DLL3: variants seen among roughly 807,000 people sequenced by gnomAD.
DLL3 encodes delta-like protein 3.
DLL3 carries 49 observed loss-of-function variants against 55.0 expected under a neutral mutation model. The ratio of observed to expected loss-of-function variants is 0.89; its 90% confidence interval spans 0.71 to 1.13. The LOEUF is 1.13. DLL3 is among the 50% of genes most tolerant of loss of function. The probability of loss-of-function intolerance (pLI) is 0.00; values close to 1 mark genes in which losing one functional copy is unlikely to be tolerated. For synonymous variants in DLL3, 421 were observed against 385.2 expected, an observed-to-expected ratio of 1.09 and a Z score of -1.09; for missense variants, 962 against 875.5, an observed-to-expected ratio of 1.10 and a Z score of -1.25.
Position 39,504,165 on chromosome 19 carries a change from G to T in DLL3, c.747G>T (p.Thr249=). The T allele has an allele frequency of 6.2e-7, 1 of 1,612,452 alleles. No homozygotes were observed. Residue 249 remains threonine, a synonymous_variant, in exon 5 of 9, where the codon ACG becomes ACT. Coordinates refer to ENST00000356433, the MANE Select transcript of DLL3 (RefSeq NM_203486.3). ...CLEGWTGPLC[T]VPVSTSSCLS... Reference sequence around the variant, plus strand: ...AGGGCTGGACTGGACCCCTCTGCACGGTCCCTGTCTCCACCAGCAGCTGCC... The same window carrying T: ...AGGGCTGGACTGGACCCCTCTGCACTGTCCCTGTCTCCACCAGCAGCTGCC...
rs758663865 is a variant in DLL3 at position 39,500,615 on chromosome 19, G to A, written c.352G>A (p.Gly118Ser). 3 of 1,613,276 alleles carry A rather than the reference G, an allele frequency of 1.9e-6. No individual in the cohort carries two copies. The highest frequency in any genetic ancestry group is 4.5e-5 in the East Asian group (2 of 44,852). Residue 118 changes from glycine to serine, a missense_variant and splice_region_variant, in exon 3 of 9, where the codon GGC (glycine) becomes AGC (serine). Physicochemically the swap from Gly to Ser is moderately conservative, Grantham distance 56. Coordinates refer to ENST00000356433, the MANE Select transcript of DLL3 (RefSeq NM_203486.3). ...TCTCCCCCTTCCTTCACCCAACCAG[G>A]GCACCTTCTCTTTCATCATCGAAAC... ...LQVPFRDAWP[G>S]TFSFIIETWR...
Position 39,507,573 on chromosome 19 carries a change from C to T in DLL3, c.1628C>T (p.Ala543Val). 6.2e-7 allele frequency: 1 copy of T among 1,609,180 alleles called. No individual in the cohort carries two copies. Among genetic ancestry groups the T allele is most frequent in the Non-Finnish European group, 8.5e-7 (1 of 1,178,372 alleles). ...PEPSVHALPD[A>V]LNNLRTQEGS... ...CCGTCAGTCCACGCACTCCCGGATG[C>T]ACTCAACAACCTAAGGACGCAGGAG... The change falls in exon 7 of 9, where the codon GCA (alanine) becomes GTA (valine). Residue 543 changes from alanine (A) to valine (V), a missense_variant. By Grantham distance (64) the Ala-to-Val change is moderately conservative (BLOSUM62 0). Coordinates refer to ENST00000356433, the MANE Select transcript of DLL3 (RefSeq NM_203486.3).
chr19:39,499,483 G>GC lies in DLL3; in HGVS notation c.351+15dup. On this transcript the variant is annotated intron_variant, in intron 2 of 8. Transcript: ENST00000356433. ...CCGGGACGCCTGGCCTGTAAGTGCT[G>GC]CCCCCGGGGGACTCCCGGTGCTGGA... The GC allele has an allele frequency of 6.3e-7, 1 of 1,583,602 alleles. No individual in the cohort carries two copies. The highest frequency in any genetic ancestry group is 8.5e-7 in the Non-Finnish European group (1 of 1,172,634).
chr19:39,507,272 C>T lies in DLL3; in HGVS notation c.1327C>T (p.Arg443Cys), dbSNP rs1219228407. ...CGCGCGCCCCTGTGCTCACGGCGGC[C>T]GCTGCTACGCCCACTTCTCCGGCCT... ...CAARPCAHGG[R>C]CYAHFSGLVC... The change falls in exon 7 of 9, where the codon CGC becomes TGC. Residue 443 changes from arginine (R) to cysteine (C), a missense_variant. Physicochemically the swap from Arg to Cys is radical, Grantham distance 180 (BLOSUM62 -3). Coordinates refer to ENST00000356433, the MANE Select transcript of DLL3 (RefSeq NM_203486.3). The T allele has an allele frequency of 5.2e-6, 8 of 1,533,022 alleles. No individual in the cohort carries two copies. The highest frequency in any genetic ancestry group is 7.0e-6 in the Non-Finnish European group (8 of 1,146,400). 95.0% of individuals were successfully genotyped at this position (1,533,022 alleles called of 1,614,324 possible).
chr19:39,507,733 G>A (rs962400174), intron 7 of DLL3, 97 bp from the exon 8 acceptor site: 1 of 1,602,378 alleles, frequency 6.2e-7, no homozygotes, highest in South Asian at 1.1e-5. Context: ...CTCTTACCCC[G>A]GTAGCTGGTT....
At chr19:39,506,422 C>T (rs560508933) in intron 6 of DLL3, among the ~76,000 whole-genome samples, 2 of 150,946 alleles carry the variant, frequency 1.3e-5, no homozygotes, top group Admixed American at 1.3e-4. Context: ...TATCTTCTTG[C>T]GAGTGAATAC....
chr19:39,502,815 G>C lies in DLL3; in HGVS notation c.410G>C (p.Gly137Ala). 1 of 1,421,024 alleles carries C rather than the reference G, an allele frequency of 7.0e-7. No homozygotes were observed. 88.0% of individuals were successfully genotyped at this position (1,421,024 alleles called of 1,614,324 possible). Residue 137 changes from glycine to alanine, a missense_variant and splice_region_variant, in exon 4 of 9, where the codon GGG becomes GCG. Transcript: ENST00000356433. The part of the protein sequence containing the change: ...WREELGDQIG[G>A]PAWSLLARVA... ...ACCCCTCCTTTGCCTGTCCTCGCAG[G>C]GCCCGCCTGGAGCCTGCTGGCGCGC...
In DLL3 at chr19:39,507,972, C is replaced by T. The variant is rs2079655079; in HGVS notation, c.1758+58C>T. ...TGGGCGCGCTGGGCAGAGGCAGCACCTGCTTTTTCCCTACCCTTCCTCGAT... is the reference window on the plus strand; with the variant it reads ...TGGGCGCGCTGGGCAGAGGCAGCACTTGCTTTTTCCCTACCCTTCCTCGAT... On this transcript the variant is annotated intron_variant, in intron 8 of 8. Transcript: ENST00000356433. 6.2e-7 allele frequency: 1 copy of T among 1,613,902 alleles called. No homozygotes were observed. Among genetic ancestry groups the T allele is most frequent in the Non-Finnish European group, 8.5e-7 (1 of 1,179,966 alleles).
At chr19:39,504,850 G>T (rs1047195595) in intron 5 of DLL3, among the ~76,000 whole-genome samples, 4 of 152,054 alleles carry the variant, frequency 2.6e-5, no homozygotes, top group African/African-American at 4.8e-5. Flanking sequence ...AAATACTTAG[G>T]GAGAGGCCCT....
At position 39,504,031 on chromosome 19, in the gene DLL3, G is replaced by A. The variant is rs753887123; in HGVS notation, c.653-40G>A. 29 of 1,603,728 alleles carry A rather than the reference G, an allele frequency of 1.8e-5. No individual in the cohort carries two copies. The African/African-American group carries it at 2.0e-4, about 11-fold the overall frequency. On this transcript the variant is annotated intron_variant, in intron 4 of 8. Coordinates refer to ENST00000356433, the MANE Select transcript of DLL3 (RefSeq NM_203486.3). ...CATCTTGTCCCTGGCCCTCCCCGACGTTGGTGTTCCCTTTCTCTCTGCCTC... is the reference window on the plus strand; with the variant it reads ...CATCTTGTCCCTGGCCCTCCCCGACATTGGTGTTCCCTTTCTCTCTGCCTC...
chr19:39,503,279 C>A (rs750460269), intron 4 of DLL3, among the ~76,000 whole-genome samples: 13 of 152,190 alleles, frequency 8.5e-5, no homozygotes, highest in Non-Finnish European at 2.9e-5. Flanking sequence ...CTGCCACCTT[C>A]GGAGAAACTG....
In DLL3 at chr19:39,507,227, G is replaced by A. The variant is rs2079646844; in HGVS notation, c.1282G>A (p.Glu428Lys). Reference protein sequence around the residue: ...ALGFGGRDCRERADPCAARPC... With the variant: ...ALGFGGRDCRKRADPCAARPC... ...GGGCTTCGGCGGCCGCGACTGCCGC[G>A]AGCGCGCGGACCCGTGCGCCGCGCG... The change falls in exon 7 of 9, where the codon GAG (glutamate) becomes AAG (lysine). Residue 428 changes from glutamate (E) to lysine (K), a missense_variant. Transcript: ENST00000356433. The A allele has an allele frequency of 7.3e-7, 1 of 1,371,068 alleles. No homozygotes were observed. The highest frequency in any genetic ancestry group is 3.7e-5 in the Admixed American group (1 of 26,698). 84.9% of individuals were successfully genotyped at this position (1,371,068 alleles called of 1,614,324 possible). A position where few individuals can be genotyped will look rare whatever the true frequency, so the allele number is the denominator to read the frequency against.
intron 3 of DLL3, among the ~76,000 whole-genome samples, chr19:39,501,957 G>A (rs946690515): frequency 2.0e-4 from 31 of 152,126 alleles, no homozygotes; most frequent in Admixed American, 1.5e-3. Context: ...AGGCCGAGGC[G>A]GGCGGATCAG....
In DLL3 at chr19:39,502,963, G is replaced by GT. The variant is rs1264168702; in HGVS notation, c.559dup (p.Cys187LeufsTer29). 2.3e-5 allele frequency: 33 copies of GT among 1,462,696 alleles called. No individual in the cohort carries two copies. The highest frequency in any genetic ancestry group is 2.9e-5 in the Non-Finnish European group (32 of 1,114,390). 90.6% of individuals were successfully genotyped at this position (1,462,696 alleles called of 1,614,324 possible). A position where few individuals can be genotyped will look rare whatever the true frequency, so the allele number is the denominator to read the frequency against. ...GCGAGCCGCCTGCCGTCGGGACCGC[G>GT]TGCACGCGCCTCTGCCGTCCGCGCA... On this transcript the variant is annotated frameshift_variant, in exon 4 of 9. Transcript: ENST00000356433. LOFTEE classifies it high-confidence loss of function.
At position 39,505,387 on chromosome 19, in the gene DLL3, C is replaced by T. The variant is rs2304214; in HGVS notation, c.1029C>T (p.Pro343=). ...CTGCCTACATCTGCCACTGCCCACC[C>T]GGTTTCCAAGGCTCCAACTGTGAGA... The part of the protein sequence containing the change: ...PDSAYICHCP[P]GFQGSNCEKR... Residue 343 remains proline (P), a synonymous_variant, in exon 6 of 9, where the codon CCC becomes CCT. Coordinates refer to ENST00000356433, the MANE Select transcript of DLL3 (RefSeq NM_203486.3). 515,549 of 1,613,884 alleles carry T rather than the reference C, an allele frequency of 0.32. 84,794 individuals carry two copies. Among genetic ancestry groups the T allele is most frequent in the Middle Eastern group, 0.38 (2,329 of 6,062 alleles).
chr19:39,506,019 C>G (rs538746495), intron 6 of DLL3, among the ~76,000 whole-genome samples: 1 of 151,736 alleles, frequency 6.6e-6, no homozygotes, highest in African/African-American at 2.4e-5. Context: ...GAGACCAGCC[C>G]GGGCCACATG....
chr19:39,500,633 ATC>A lies in DLL3; in HGVS notation c.371_372del (p.Ile124ArgfsTer91). The A allele has an allele frequency of 6.2e-7, 1 of 1,611,884 alleles. No individual in the cohort carries two copies. The highest frequency in any genetic ancestry group is 8.5e-7 in the Non-Finnish European group (1 of 1,178,620). On this transcript the variant is annotated frameshift_variant, in exon 3 of 9. Coordinates refer to ENST00000356433, the MANE Select transcript of DLL3 (RefSeq NM_203486.3). LOFTEE classifies it high-confidence loss of function. ...CAACCAGGGCACCTTCTCTTTCATC[ATC>A]GAAACCTGGAGAGAGGAGTTAGGAG... Reference protein sequence around the residue: ...DAWPGTFSFIIETWREELGDQ... With the variant: ...DAWPGTFSFIXETWREELGDQ...
Position 39,505,284 on chromosome 19 carries a change from G to A in DLL3, c.926G>A (p.Cys309Tyr). Residue 309 changes from cysteine (C) to tyrosine (Y), a missense_variant, in exon 6 of 9, where the codon TGT becomes TAT. Coordinates refer to ENST00000356433, the MANE Select transcript of DLL3 (RefSeq NM_203486.3). ...CCGCGTGGGTTCTACGGGCTGCGGT[G>A]TGAGGTGAGCGGGGTGACATGTGCA... ...TCPRGFYGLR[C>Y]EVSGVTCADG... 6.2e-7 allele frequency: 1 copy of A among 1,614,240 alleles called. No homozygotes were observed. Among genetic ancestry groups the A allele is most frequent in the Non-Finnish European group, 8.5e-7 (1 of 1,180,036 alleles).
chr19:39,507,673 C>T lies in DLL3; in HGVS notation c.1673+55C>T, dbSNP rs548379236. The T allele has an allele frequency of 1.1e-5, 18 of 1,587,474 alleles. No homozygotes were observed. The South Asian group carries it at 1.8e-4, about 16-fold the overall frequency. On this transcript the variant is annotated intron_variant, in intron 7 of 8. Transcript: ENST00000356433. ...TGCGCTGCTGGCTGCTTTTACCCAT[C>T]TCCGTGGTGCAGTTGGCCCGATTCC...
Sources: allele counts gnomAD v4.1 joint callset (sites outside exome capture counted in the v4.1 genomes callset), GRCh38; gene constraint gnomAD v4.1.1; transcripts MANE v1.5; gene names NCBI Gene and HGNC (gene_info 2026-07-23, HGNC 2026-07-21).